PKHD1L1: variants seen among roughly 807,000 people sequenced by gnomAD.
PKHD1L1 encodes fibrocystin-L.
Under a neutral mutation model 462.9 loss-of-function variants are expected in PKHD1L1, and 434 were observed. The ratio of observed to expected loss-of-function variants is 0.94; its 90% confidence interval spans 0.87 to 1.02. The LOEUF (loss-of-function observed/expected upper bound fraction) is 1.02, where lower values mean the gene tolerates loss of function less well. PKHD1L1 is among the 50% of genes least tolerant of loss of function. PKHD1L1 has a pLI of 0.00. For synonymous variants in PKHD1L1, 1,781 were observed against 1,750.0 expected, an observed-to-expected ratio of 1.02 and a Z score of -0.44; for missense variants, 5,202 against 5,096.1, an observed-to-expected ratio of 1.02 and a Z score of -0.63.
At position 109,533,134 on chromosome 8, in the gene PKHD1L1, G is replaced by A. The variant is rs560434234; in HGVS notation, c.*3044G>A. Among the ~76,000 whole-genome samples, 2 of 152,340 alleles carry A rather than the reference G, an allele frequency of 1.3e-5. No homozygotes were observed. Among genetic ancestry groups the A allele is most frequent in the Admixed American group, 6.5e-5 (1 of 15,310 alleles). ...TTAATTGCTTCCCACTTTTCCTCAA[G>A]CATGGGCAAGTGCTTCATTGGGAAG... is the stretch of plus-strand genomic sequence containing the variant. On this transcript the variant is annotated 3_prime_UTR_variant, in exon 78 of 78. Coordinates refer to ENST00000378402, the MANE Select transcript of PKHD1L1 (RefSeq NM_177531.6).
chr8:109,479,949 G>C (rs1818188087), intron 54 of PKHD1L1, 42 bp from the exon 55 acceptor site: 1 of 1,499,850 alleles, frequency 6.7e-7, no homozygotes, highest in Non-Finnish European at 8.9e-7. Flanking sequence ...ATAAGTTGTA[G>C]TTTATGGATT....
intron 56 of PKHD1L1, 24 bp from the exon 57 acceptor site, chr8:109,482,962 GT>G: frequency 6.8e-7 from 1 of 1,479,956 alleles, no homozygotes; most frequent in South Asian, 1.2e-5. Flanking sequence ...GGGTGAATAA[GT>G]AGGAGTGTGC....
intron 25 of PKHD1L1, among the ~76,000 whole-genome samples, chr8:109,428,746 G>A (rs1228649992): frequency 1.3e-5 from 2 of 152,108 alleles, no homozygotes; most frequent in Admixed American, 1.3e-4. Flanking sequence ...GGCCCAGCAT[G>A]GAGACTCCTA....
At chr8:109,452,363 A>G (rs1388467221) in intron 42 of PKHD1L1, 83 bp downstream of exon 42, 4 of 1,237,852 alleles carry the variant, frequency 3.2e-6, no homozygotes, top group Middle Eastern at 2.0e-4. Flanking sequence ...TTGTTGTTTT[A>G]CTTTAATGTC....
intron 28 of PKHD1L1, 136 bp downstream of exon 28, chr8:109,433,352 G>A (rs1815217836): frequency 1.2e-5 from 9 of 768,208 alleles, no homozygotes; most frequent in African/African-American, 1.8e-5. Flanking sequence ...TCCCTATGGG[G>A]TCATGAAATT....
At chr8:109,435,462 T>C (rs1034245298) in intron 29 of PKHD1L1, 108 bp downstream of exon 29, 32 of 1,208,750 alleles carry the variant, frequency 2.6e-5, no homozygotes, top group East Asian at 7.3e-5. Context: ...CTTCCTCTTA[T>C]AGAACAAAGG....
Position 109,533,744 on chromosome 8 carries a change from G to A in PKHD1L1, c.*3654G>A, listed in dbSNP as rs984996745. On this transcript the variant is annotated 3_prime_UTR_variant, in exon 78 of 78. Coordinates refer to ENST00000378402, the MANE Select transcript of PKHD1L1 (RefSeq NM_177531.6). ...TGCCTTTTATTGCTCCATAACTTGT[G>A]TTAGAAAATCTCCTTACTAAAAATC... Among the ~76,000 whole-genome samples the A allele has an allele frequency of 1.3e-5, 2 of 151,850 alleles. No homozygotes were observed. The highest frequency in any genetic ancestry group is 2.9e-5 in the Non-Finnish European group (2 of 68,014).
chr8:109,409,758 A>G (rs376938438), intron 18 of PKHD1L1, 107 bp from the exon 19 acceptor site: 19 of 514,000 alleles, frequency 3.7e-5, no homozygotes, highest in East Asian at 2.8e-4. Context: ...AAATATGGGA[A>G]TTATGAAAAT....
chr8:109,513,284 A>T (rs1176364338), intron 71 of PKHD1L1, among the ~76,000 whole-genome samples: 1 of 152,112 alleles, frequency 6.6e-6, no homozygotes, highest in African/African-American at 2.4e-5. Context: ...CAGTTTTCAA[A>T]GGGAATGCTT....
intron 2 of PKHD1L1, among the ~76,000 whole-genome samples, chr8:109,376,574 C>T (rs1480295551): frequency 2.6e-5 from 4 of 152,170 alleles, no homozygotes; most frequent in Admixed American, 2.0e-4. Context: ...GCAGAAATCA[C>T]ACGTCTTCTG....
At chr8:109,521,103 T>TGAGTCATCCAAAAGAGTCC (rs1820530472) in intron 73 of PKHD1L1, among the ~76,000 whole-genome samples, 1 of 152,194 alleles carries the variant, frequency 6.6e-6, no homozygotes, top group Non-Finnish European at 1.5e-5. Context: ...CAAAAGAGTC[T>TGAGTCATCCAAAAGAGTCC]GAGTCATCCA....
Position 109,440,701 on chromosome 8 carries a change from T to G in PKHD1L1, c.3957-9T>G. On this transcript the variant is annotated splice_polypyrimidine_tract_variant and intron_variant, in intron 32 of 77. Transcript: ENST00000378402. ...GCTCATTGAAAAATCTATTCATTTT[T>G]TTTCTCAGAGACAAATTAAATTCTT... 1 of 1,604,510 alleles carries G rather than the reference T, an allele frequency of 6.2e-7. No individual in the cohort carries two copies. The highest frequency in any genetic ancestry group is 2.2e-5 in the East Asian group (1 of 44,732).
chr8:109,433,588 T>G (rs1815231079), intron 28 of PKHD1L1, among the ~76,000 whole-genome samples: 1 of 152,180 alleles, frequency 6.6e-6, no homozygotes, highest in Non-Finnish European at 1.5e-5. Flanking sequence ...GACAATGCCA[T>G]GCAGGAAGAG....
chr8:109,491,108 T>C lies in PKHD1L1; in HGVS notation c.10114+7T>C, dbSNP rs931231170. 1 of 1,603,616 alleles carries C rather than the reference T, an allele frequency of 6.2e-7. No homozygotes were observed. The highest frequency in any genetic ancestry group is 8.5e-7 in the Non-Finnish European group (1 of 1,173,070). On this transcript the variant is annotated splice_region_variant and intron_variant, in intron 61 of 77. Coordinates refer to ENST00000378402, the MANE Select transcript of PKHD1L1 (RefSeq NM_177531.6). Reference sequence around the variant, plus strand: ...CACTTTACAGTGGGGGAAGGTAATATAATAATATTTTGGTTCAAATTACAC... The same window carrying C: ...CACTTTACAGTGGGGGAAGGTAATACAATAATATTTTGGTTCAAATTACAC...
In PKHD1L1 at chr8:109,443,789, G is replaced by A; in HGVS notation, c.4678G>A (p.Val1560Ile). Residue 1560 changes from valine to isoleucine, a missense_variant, in exon 37 of 78, where the codon GTT becomes ATT. Val to Ile is a conservative substitution (Grantham distance 29, BLOSUM62 3). Transcript: ENST00000378402. Reference protein sequence around the residue: ...VKNSKRLLFEVSSCFSPSISN... With the variant: ...VKNSKRLLFEISSCFSPSISN... ...AAATTCAAAAAGATTGCTATTTGAG[G>A]TTTCAAGTTGTTTTTCACCATCTAT... 1 of 1,613,774 alleles carries A rather than the reference G, an allele frequency of 6.2e-7. No individual in the cohort carries two copies. Among genetic ancestry groups the A allele is most frequent in the Non-Finnish European group, 8.5e-7 (1 of 1,179,758 alleles).
chr8:109,502,360 G>T (rs1819465527), intron 67 of PKHD1L1, among the ~76,000 whole-genome samples: 1 of 152,142 alleles, frequency 6.6e-6, no homozygotes, highest in South Asian at 2.1e-4. Flanking sequence ...TGTCTTGTAA[G>T]GCTCTGTTGA....
intron 73 of PKHD1L1, among the ~76,000 whole-genome samples, chr8:109,520,931 C>A (rs951595992): frequency 1.3e-5 from 2 of 152,124 alleles, no homozygotes; most frequent in Admixed American, 1.3e-4. Flanking sequence ...ATGCCAAAAA[C>A]CAGTGAAGAC....
At chr8:109,529,412 A>T (rs1820968961) in intron 77 of PKHD1L1, among the ~76,000 whole-genome samples, 1 of 152,158 alleles carries the variant, frequency 6.6e-6, no homozygotes, top group Non-Finnish European at 1.5e-5. Context: ...TAGGATGACA[A>T]GCATTTCTTT....
chr8:109,440,575 G>A, intron 32 of PKHD1L1, 135 bp from the exon 33 acceptor site: 2 of 645,414 alleles, frequency 3.1e-6, no homozygotes, highest in East Asian at 5.6e-5. Context: ...TTGCCAGATT[G>A]TCTATCTTGA....
Sources: gnomAD v4.1 joint callset for allele counts (sites outside exome capture counted in the v4.1 genomes callset) on GRCh38, gnomAD v4.1.1 for gene constraint, MANE v1.5 for transcripts, NCBI Gene and HGNC (gene_info 2026-07-23, HGNC 2026-07-21) for gene names.